RB1: variants seen among roughly 807,000 people sequenced by gnomAD.
The protein encoded by RB1 is retinoblastoma-associated protein.
Under a neutral mutation model 135.4 loss-of-function variants are expected in RB1, and 18 were observed. That is an observed-to-expected ratio of 0.13 (90% confidence interval 0.09 to 0.20). RB1 has a LOEUF of 0.20. Among genes scored for constraint, RB1 ranks in the 10% least tolerant of loss-of-function variants. RB1 has a pLI of 1.00. For missense variants in RB1, 868 were observed against 1,110.0 expected, an observed-to-expected ratio of 0.78 and a Z score of 3.10; for synonymous variants, 365 against 373.2, an observed-to-expected ratio of 0.98 and a Z score of 0.25.
chr13:48,443,495 A>G (rs1414520076), intron 17 of RB1, among the ~76,000 whole-genome samples: 5 of 152,210 alleles, frequency 3.3e-5, no homozygotes, highest in African/African-American at 1.2e-4. Context: ...TCTGATTCAT[A>G]AAATGAATAA....
Position 48,422,957 on chromosome 13 carries a change from A to G in RB1, c.1696-30036A>G, listed in dbSNP as rs185178643. Among the ~76,000 whole-genome samples the G allele has an allele frequency of 2.0e-5, 3 of 152,160 alleles. No homozygotes were observed. In the East Asian group the frequency reaches 5.8e-4, roughly 29 times the overall value. ...GGATTTCAAGACCAGCCTAGGCAAC[A>G]TAGTGACACCCTGTTTCCAAAAATT... On this transcript the variant is annotated intron_variant, in intron 17 of 26. Coordinates refer to ENST00000267163, the MANE Select transcript of RB1 (RefSeq NM_000321.3).
intron 2 of RB1, among the ~76,000 whole-genome samples, chr13:48,324,428 AAT>A (rs201220589): frequency 0.098 from 7,185 of 73,126 alleles, 260 homozygotes; most frequent in East Asian, 0.21. Context: ...CCATGAGTTC[AAT>A]ATTTTTTTTT....
At chr13:48,396,960 A>C (rs1051227242) in intron 17 of RB1, among the ~76,000 whole-genome samples, 2 of 152,244 alleles carry the variant, frequency 1.3e-5, no homozygotes, top group African/African-American at 4.8e-5. Context: ...ATCTCATGCC[A>C]GTTAGAATGG....
intron 17 of RB1, among the ~76,000 whole-genome samples, chr13:48,381,750 G>A (rs772757621): frequency 1.4e-4 from 22 of 152,052 alleles, no homozygotes; most frequent in Non-Finnish European, 2.9e-4. Context: ...CAACGTGCAG[G>A]TTTGTTACAT....
intron 24 of RB1, 53 bp from the exon 25 acceptor site, chr13:48,476,648 C>T (rs535375998): frequency 7.4e-5 from 116 of 1,577,576 alleles, no homozygotes; most frequent in Non-Finnish European, 8.5e-5. Context: ...AGGTTGCTAA[C>T]TATGAAACAC....
intron 4 of RB1, among the ~76,000 whole-genome samples, chr13:48,346,558 T>C (rs1952500598): frequency 6.6e-6 from 1 of 151,698 alleles, no homozygotes; most frequent in Non-Finnish European, 1.5e-5. Context: ...TGGTACAATA[T>C]TATTTAGGCC....
At chr13:48,333,457 G>T (rs542485753) in intron 2 of RB1, among the ~76,000 whole-genome samples, 4 of 152,092 alleles carry the variant, frequency 2.6e-5, no homozygotes, top group African/African-American at 7.2e-5. Flanking sequence ...TACCTTTTTG[G>T]ATGGATCATT....
At chr13:48,397,481 C>G (rs569936450) in intron 17 of RB1, among the ~76,000 whole-genome samples, 1 of 151,932 alleles carries the variant, frequency 6.6e-6, no homozygotes, top group East Asian at 1.9e-4. Context: ...CATCACACAC[C>G]GGGGCCTGTC....
At chr13:48,384,450 T>A (rs533146838) in intron 17 of RB1, among the ~76,000 whole-genome samples, 19 of 152,224 alleles carry the variant, frequency 1.2e-4, no homozygotes, top group South Asian at 2.1e-4. Context: ...GACTTTTTTT[T>A]AAAATTTGAA....
intron 2 of RB1, among the ~76,000 whole-genome samples, chr13:48,316,320 C>G (rs992286073): frequency 6.6e-6 from 1 of 151,470 alleles, no homozygotes; most frequent in Non-Finnish European, 1.5e-5. Flanking sequence ...GCGAGCTTCC[C>G]GACGGACACT....
At position 48,404,530 on chromosome 13, in the gene RB1, CTT is replaced by C. The variant is rs377081129; in HGVS notation, c.1695+23091_1695+23092del. Among the ~76,000 whole-genome samples the C allele has an allele frequency of 5.1e-4, 78 of 151,674 alleles. No individual in the cohort carries two copies. The East Asian group carries it at 0.014, about 27-fold the overall frequency. On this transcript the variant is annotated intron_variant, in intron 17 of 26. Coordinates refer to ENST00000267163, the MANE Select transcript of RB1 (RefSeq NM_000321.3). ...CAAGCATGATGAATGAATGTGGATA[CTT>C]TTTGTTTTTTTTTAATGACAGTCTC...
intron 17 of RB1, among the ~76,000 whole-genome samples, chr13:48,452,767 C>T (rs897340264): frequency 2.0e-5 from 3 of 151,846 alleles, no homozygotes; most frequent in African/African-American, 7.3e-5. Flanking sequence ...CTAATATAAG[C>T]GTTGAAGGTT....
intron 17 of RB1, among the ~76,000 whole-genome samples, chr13:48,431,511 A>G (rs1464376162): frequency 2.0e-5 from 3 of 152,360 alleles, no homozygotes; most frequent in Admixed American, 6.5e-5. Context: ...AATTATTGGT[A>G]TGATTCTAAG....
At chr13:48,316,562 A>G (rs935751594) in intron 2 of RB1, among the ~76,000 whole-genome samples, 2 of 152,178 alleles carry the variant, frequency 1.3e-5, no homozygotes. Context: ...TTCTAAAAAT[A>G]TTTTTTACAT....
chr13:48,478,650 G>A (rs972261820), intron 26 of RB1, among the ~76,000 whole-genome samples: 2 of 152,182 alleles, frequency 1.3e-5, no homozygotes, highest in Non-Finnish European at 2.9e-5. Context: ...CAAAGTTCAG[G>A]ACCTTTGTGC....
At chr13:48,401,487 T>C (rs1362374453) in intron 17 of RB1, 4 of 152,224 alleles carry the variant, frequency 2.6e-5, no homozygotes, top group Non-Finnish European at 4.4e-5. Flanking sequence ...TATGCTTCAA[T>C]CATCTAAGCT....
intron 17 of RB1, among the ~76,000 whole-genome samples, chr13:48,410,668 C>G (rs2138195945): frequency 6.6e-6 from 1 of 152,110 alleles, no homozygotes; most frequent in South Asian, 2.1e-4. Context: ...TTAGTTTTCT[C>G]CCTCTCAATT....
chr13:48,419,697 A>T (rs1948975005), intron 17 of RB1, among the ~76,000 whole-genome samples: 2 of 152,214 alleles, frequency 1.3e-5, no homozygotes, highest in African/African-American at 2.4e-5. Flanking sequence ...AAAAAATGCT[A>T]AAGGGGATAT....
chr13:48,395,045 G>A lies in RB1; in HGVS notation c.1695+13602G>A, dbSNP rs575241342. On this transcript the variant is annotated intron_variant, in intron 17 of 26. Transcript: ENST00000267163. ...CCCCTCTGGGACGAAGCTTCCAGAG[G>A]AAGGAACAGGCAGCAATCTTTGCTC... is the stretch of plus-strand genomic sequence containing the variant. Among the ~76,000 whole-genome samples the A allele has an allele frequency of 4.6e-5, 7 of 151,882 alleles. No individual in the cohort carries two copies. In the South Asian group the frequency reaches 8.3e-4, roughly 18 times the overall value.
Sources: gnomAD v4.1 joint callset for allele counts (sites outside exome capture counted in the v4.1 genomes callset) on GRCh38, gnomAD v4.1.1 for gene constraint, MANE v1.5 for transcripts, NCBI Gene and HGNC (gene_info 2026-07-23, HGNC 2026-07-21) for gene names.